The following CAMSAP2 variants were observed in gnomAD, a reference collection of about 807,000 sequenced individuals.
CAMSAP2 encodes the protein calmodulin-regulated spectrin-associated protein 2.
CAMSAP2 carries 26 observed loss-of-function variants against 146.1 expected under a neutral mutation model. The observed-to-expected ratio is 0.18, with a 90% confidence interval of 0.13 to 0.25. The LOEUF is 0.25. CAMSAP2 is among the 10% of genes least tolerant of loss of function. The probability of loss-of-function intolerance (pLI) is 1.00; values close to 1 mark genes in which losing one functional copy is unlikely to be tolerated. For synonymous variants in CAMSAP2, 499 were observed against 596.6 expected, an observed-to-expected ratio of 0.84 and a Z score of 2.38; for missense variants, 1,381 against 1,759.3, an observed-to-expected ratio of 0.78 and a Z score of 3.85.
intron 1 of CAMSAP2, among the ~76,000 whole-genome samples, chr1:200,751,573 A>G (rs941159233): frequency 6.6e-6 from 1 of 151,292 alleles, no homozygotes; most frequent in Non-Finnish European, 1.5e-5. Flanking sequence ...ACAAGCTACA[A>G]TATGAGGCTA....
At position 200,847,646 on chromosome 1, in the gene CAMSAP2, T is replaced by G; in HGVS notation, c.1199T>G (p.Ile400Ser). 6.2e-7 allele frequency: 1 copy of G among 1,610,752 alleles called. No individual in the cohort carries two copies. The highest frequency in any genetic ancestry group is 8.5e-7 in the Non-Finnish European group (1 of 1,178,604). ...PQAHSSASGG[I>S]RRSSSMSYVD... The stretch of plus-strand genomic sequence containing the variant: ...TTCTTTTTTGCATTTGAAGGAGGAA[T>G]TAGAAGGTCTTCATCTATGTCTTAT... Residue 400 changes from isoleucine to serine, a missense_variant, in exon 10 of 17, where the codon ATT becomes AGT. Around this residue, in one of 4 missense-constraint regions of CAMSAP2, gnomAD observed 447 missense variants for 462.2 expected, o/e 0.97. Coordinates refer to ENST00000358823, the MANE Select transcript of CAMSAP2 (RefSeq NM_203459.4).
Position 200,858,239 on chromosome 1 carries a change from A to G in CAMSAP2, c.*180A>G, listed in dbSNP as rs902824064. ...TATTTTGGAGTGCAGAACATTCTCA[A>G]TTAAGTGATAAGTCCAAATGATGAA... On this transcript the variant is annotated 3_prime_UTR_variant, in exon 17 of 17. Coordinates refer to ENST00000358823, the MANE Select transcript of CAMSAP2 (RefSeq NM_203459.4). The G allele has an allele frequency of 9.9e-6, 5 of 504,382 alleles. No individual in the cohort carries two copies. The highest frequency in any genetic ancestry group is 3.8e-5 in the Admixed American group (1 of 25,998). The allele number at this position is 504,382 out of a possible 1,614,324, so 31.2% of individuals were successfully genotyped here.
intron 7 of CAMSAP2, among the ~76,000 whole-genome samples, chr1:200,844,417 G>A (rs1009557632): frequency 3.3e-5 from 5 of 151,866 alleles, no homozygotes; most frequent in South Asian, 2.1e-4. Context: ...GCGTGGTGGC[G>A]GGTGCCTGTA....
At chr1:200,740,847 A>G (rs567620466) in intron 1 of CAMSAP2, among the ~76,000 whole-genome samples, 9 of 152,322 alleles carry the variant, frequency 5.9e-5, no homozygotes, top group African/African-American at 1.9e-4. Flanking sequence ...TAAAAAAATT[A>G]GAGAGCTGCT....
chr1:200,746,779 C>T (rs1391959937), intron 1 of CAMSAP2, among the ~76,000 whole-genome samples: 27 of 152,042 alleles, frequency 1.8e-4, no homozygotes, highest in Admixed American at 5.9e-4. Flanking sequence ...CCACCACGCC[C>T]AGCTAATTTT....
intron 8 of CAMSAP2, among the ~76,000 whole-genome samples, chr1:200,846,193 G>A (rs920111420): frequency 6.6e-6 from 1 of 152,132 alleles, no homozygotes; most frequent in Non-Finnish European, 1.5e-5. Context: ...CAGGCATGGT[G>A]GGTCAATAGT....
intron 3 of CAMSAP2, among the ~76,000 whole-genome samples, chr1:200,807,806 T>C (rs1294500455): frequency 2.0e-5 from 3 of 150,856 alleles, no homozygotes; most frequent in Non-Finnish European, 4.4e-5. Context: ...AGTGGCATGA[T>C]CTCGGCTCAC....
chr1:200,849,657 C>T lies in CAMSAP2; in HGVS notation c.2888C>T (p.Ser963Phe). The T allele has an allele frequency of 6.2e-7, 1 of 1,614,204 alleles. No individual in the cohort carries two copies. Among genetic ancestry groups the T allele is most frequent in the Non-Finnish European group, 8.5e-7 (1 of 1,180,028 alleles). ...CCTACTCACCCATCTCCACAGTCTT[C>T]TAACAGGAAAAGTGCATCTTTTTCT... ...PRPTHPSPQS[S>F]NRKSASFSVK... The change falls in exon 11 of 17, where the codon TCT (serine) becomes TTT (phenylalanine). Residue 963 changes from serine (S) to phenylalanine (F), a missense_variant. Ser to Phe is a radical substitution (Grantham distance 155, BLOSUM62 -2). Coordinates refer to ENST00000358823, the MANE Select transcript of CAMSAP2 (RefSeq NM_203459.4). The surrounding 1 kb of genome is among the most constrained non-coding windows in gnomAD (Gnocchi z 6.3).
chr1:200,847,775 C>T (rs1216091916), intron 10 of CAMSAP2, 66 bp downstream of exon 10: 8 of 1,345,006 alleles, frequency 5.9e-6, no homozygotes, highest in Non-Finnish European at 8.4e-6. Flanking sequence ...ATCTGTGTCT[C>T]TCTTTTATTG....
chr1:200,834,414 T>A (rs763594840), intron 6 of CAMSAP2, among the ~76,000 whole-genome samples: 11 of 152,104 alleles, frequency 7.2e-5, no homozygotes, highest in Non-Finnish European at 1.5e-4. Flanking sequence ...TTGAAAATCA[T>A]TCCATTCCAT....
At chr1:200,827,659 C>T (rs769410052) in intron 4 of CAMSAP2, among the ~76,000 whole-genome samples, 11 of 114,272 alleles carry the variant, frequency 9.6e-5, no homozygotes, top group South Asian at 3.0e-4. Flanking sequence ...TCTTAAAGTT[C>T]TTGAAAATAC....
At chr1:200,780,554 G>T (rs936443492) in intron 2 of CAMSAP2, among the ~76,000 whole-genome samples, 3 of 152,154 alleles carry the variant, frequency 2.0e-5, no homozygotes, top group Non-Finnish European at 4.4e-5. Flanking sequence ...CACTTTCTGT[G>T]CTCTGGCCAT....
intron 4 of CAMSAP2, among the ~76,000 whole-genome samples, chr1:200,819,457 T>A (rs540346547): frequency 4.0e-4 from 61 of 152,306 alleles, no homozygotes; most frequent in African/African-American, 1.4e-3. Context: ...CTTGAACGAT[T>A]TCTGAAGTTT....
intron 2 of CAMSAP2, among the ~76,000 whole-genome samples, chr1:200,805,680 C>G (rs1454253133): frequency 1.3e-5 from 2 of 152,186 alleles, no homozygotes; most frequent in Non-Finnish European, 2.9e-5. Flanking sequence ...CTGGAAAAAT[C>G]TTCACAATCA....
intron 2 of CAMSAP2, among the ~76,000 whole-genome samples, chr1:200,801,774 A>T (rs1666042449): frequency 6.6e-6 from 1 of 152,280 alleles, no homozygotes; most frequent in Non-Finnish European, 1.5e-5. Flanking sequence ...CCTATAAGCT[A>T]AAAGCTAGAG....
At position 200,857,698 on chromosome 1, in the gene CAMSAP2, C is replaced by A; in HGVS notation, c.4132-56C>A. On this transcript the variant is annotated intron_variant, in intron 16 of 16. Coordinates refer to ENST00000358823, the MANE Select transcript of CAMSAP2 (RefSeq NM_203459.4). This position sits in a 1 kb window ranked among gnomAD's most constrained non-coding sequence, Gnocchi z 4.7. ...ACATAATTATATAAACTTTATTCAGCAAAATAAAGGGTTTTTATTCGTGTT... is the reference window on the plus strand; with the variant it reads ...ACATAATTATATAAACTTTATTCAGAAAAATAAAGGGTTTTTATTCGTGTT... The A allele has an allele frequency of 1.4e-6, 2 of 1,388,974 alleles. No individual in the cohort carries two copies. The highest frequency in any genetic ancestry group is 9.8e-7 in the Non-Finnish European group (1 of 1,022,154). The allele number at this position is 1,388,974 out of a possible 1,614,324, so 86.0% of individuals were successfully genotyped here. A position where few individuals can be genotyped will look rare whatever the true frequency, so the allele number is the denominator to read the frequency against.
chr1:200,825,617 C>T (rs1266719991), intron 4 of CAMSAP2, among the ~76,000 whole-genome samples: 2 of 151,516 alleles, frequency 1.3e-5, no homozygotes, highest in Admixed American at 6.6e-5. Context: ...AGCGATTCTT[C>T]TGCCTCAGCC....
intron 3 of CAMSAP2, among the ~76,000 whole-genome samples, chr1:200,812,513 AT>A (rs1290189221): frequency 3.3e-5 from 5 of 152,050 alleles, no homozygotes; most frequent in Admixed American, 6.6e-5. Flanking sequence ...CCCCAGCATT[AT>A]TTTTTATTCT....
Position 200,832,953 on chromosome 1 carries a change from T to C in CAMSAP2, c.927+108T>C. 1.0e-6 allele frequency: 1 copy of C among 975,380 alleles called. No homozygotes were observed. The highest frequency in any genetic ancestry group is 2.2e-5 in the South Asian group (1 of 44,562). The allele number at this position is 975,380 out of a possible 1,614,324, so 60.4% of individuals were successfully genotyped here. On this transcript the variant is annotated intron_variant, in intron 6 of 16. Coordinates refer to ENST00000358823, the MANE Select transcript of CAMSAP2 (RefSeq NM_203459.4). The surrounding 1 kb of genome is among the most constrained non-coding windows in gnomAD (Gnocchi z 4.2). ...GCTCATGCCTGTAATCCCAGTACTT[T>C]GGGAGGACAAGGTGGGAGGATTGCT...
Sources: gnomAD v4.1 joint callset for allele counts (sites outside exome capture counted in the v4.1 genomes callset) on GRCh38, gnomAD v4.1.1 for gene constraint, gnomAD v4.1.1 regional missense constraint, Gnocchi (gnomAD v3.1) non-coding constraint, MANE v1.5 for transcripts, NCBI Gene and HGNC (gene_info 2026-07-23, HGNC 2026-07-21) for gene names.